CACNA2D2: variants seen among roughly 807,000 people sequenced by gnomAD.
The protein encoded by CACNA2D2 is voltage-dependent calcium channel subunit alpha-2/delta-2.
A neutral mutation model predicts 166.4 loss-of-function variants in CACNA2D2; 48 were observed. The ratio of observed to expected loss-of-function variants is 0.29; its 90% confidence interval spans 0.23 to 0.37. The LOEUF (loss-of-function observed/expected upper bound fraction) is 0.37, where lower values mean the gene tolerates loss of function less well. Among genes scored for constraint, CACNA2D2 ranks in the 10% least tolerant of loss-of-function variants. CACNA2D2 has a pLI of 1.00. For missense variants in CACNA2D2, 1,122 were observed against 1,433.0 expected, an observed-to-expected ratio of 0.78 and a Z score of 3.50; for synonymous variants, 561 against 573.7, an observed-to-expected ratio of 0.98 and a Z score of 0.32.
At chr3:50,416,949 C>T (rs1707291583) in intron 3 of CACNA2D2, among the ~76,000 whole-genome samples, 1 of 152,202 alleles carries the variant, frequency 6.6e-6, no homozygotes, top group South Asian at 2.1e-4. Flanking sequence ...ATCCCATTCA[C>T]GTGTGTGTGC....
At chr3:50,461,759 A>G (rs566197714) in intron 2 of CACNA2D2, among the ~76,000 whole-genome samples, 13 of 112,366 alleles carry the variant, frequency 1.2e-4, no homozygotes, top group East Asian at 5.4e-4. Flanking sequence ...AAAAAAAAAA[A>G]AAAAGAAAAA....
intron 2 of CACNA2D2, among the ~76,000 whole-genome samples, chr3:50,475,445 A>G (rs1395538244): frequency 2.6e-5 from 4 of 152,070 alleles, no homozygotes; most frequent in African/African-American, 4.8e-5. Flanking sequence ...TCGTAGCTCC[A>G]TCACTCCAAG....
intron 2 of CACNA2D2, among the ~76,000 whole-genome samples, chr3:50,437,242 A>C (rs1310045339): frequency 6.6e-6 from 1 of 152,116 alleles, no homozygotes; most frequent in Non-Finnish European, 1.5e-5. Flanking sequence ...GGTCCCATCA[A>C]GCCCACTGAC....
Position 50,366,011 on chromosome 3 carries a change from C to T in CACNA2D2, c.2862G>A (p.Val954=). ...NLGAAPRGVF[V]PTVADFLNLA... is the part of the protein sequence containing the mutation. ...AGTCCAGGCATCTCTGGGGACTCAC[C>T]ACAAAGACACCCCGGGGTGCAGCAC... The change falls in exon 32 of 38, where the codon GTG becomes GTA. Residue 954 remains valine, a splice_region_variant and synonymous_variant. Transcript: ENST00000424201. The surrounding 1 kb of genome is among the most constrained non-coding windows in gnomAD (Gnocchi z 5.9). 6.2e-7 allele frequency: 1 copy of T among 1,611,992 alleles called. No homozygotes were observed. The highest frequency in any genetic ancestry group is 8.5e-7 in the Non-Finnish European group (1 of 1,179,332).
intron 2 of CACNA2D2, among the ~76,000 whole-genome samples, chr3:50,470,601 G>A (rs1319779662): frequency 6.4e-4 from 9 of 14,006 alleles, no homozygotes; most frequent in Non-Finnish European, 9.9e-4. Context: ...GGAGGGGGCG[G>A]GGGGGGGGGG....
At chr3:50,459,104 A>G (rs1250851360) in intron 2 of CACNA2D2, among the ~76,000 whole-genome samples, 1 of 152,222 alleles carries the variant, frequency 6.6e-6, no homozygotes, top group East Asian at 1.9e-4. Flanking sequence ...AAAGAAAAAC[A>G]TGGAGGGGGA....
chr3:50,379,352 ATCCG>A lies in CACNA2D2; in HGVS notation c.1152+76_1152+79del. ...CTGCCTGTTTGGTGCTAACGAGGCC[ATCCG>A]TCTTGATTTCCTGGGTACACCAAGC... On this transcript the variant is annotated intron_variant, in intron 11 of 37. Coordinates refer to ENST00000424201, the MANE Select transcript of CACNA2D2 (RefSeq NM_006030.4). The surrounding 1 kb of genome is among the most constrained non-coding windows in gnomAD (Gnocchi z 6.5). 6.4e-7 allele frequency: 1 copy of A among 1,552,114 alleles called. No individual in the cohort carries two copies. The highest frequency in any genetic ancestry group is 2.3e-5 in the East Asian group (1 of 43,718).
intron 22 of CACNA2D2, among the ~76,000 whole-genome samples, chr3:50,374,353 AAGGGG>A (rs1256850069): frequency 2.4e-5 from 1 of 41,940 alleles, no homozygotes; most frequent in African/African-American, 9.9e-5. Flanking sequence ...GAGGAGGGGG[AAGGGG>A]AGGGGAGGGG....
rs1704937303 is a variant in CACNA2D2, at chr3:50,375,714, G to C, written c.1846-9C>G. ...ACCTCATCTATGTACCTCTGGGAGA[G>C]GAGGCTGGGTCAGGTACTTGGGCTA... On this transcript the variant is annotated splice_polypyrimidine_tract_variant and intron_variant, in intron 20 of 37. Coordinates refer to ENST00000424201, the MANE Select transcript of CACNA2D2 (RefSeq NM_006030.4). This position sits in a 1 kb window ranked among gnomAD's most constrained non-coding sequence, Gnocchi z 4.0. 2 of 1,613,278 alleles carry C rather than the reference G, an allele frequency of 1.2e-6. No homozygotes were observed. The highest frequency in any genetic ancestry group is 1.3e-5 in the African/African-American group (1 of 75,026).
intron 1 of CACNA2D2, among the ~76,000 whole-genome samples, chr3:50,502,663 G>T (rs1699027627): frequency 6.6e-6 from 1 of 152,230 alleles, no homozygotes; most frequent in Admixed American, 6.5e-5. Flanking sequence ...GCCAAGAACA[G>T]GGGACACTGC....
At chr3:50,390,628 G>A (rs1158592771) in intron 4 of CACNA2D2, among the ~76,000 whole-genome samples, 1 of 152,142 alleles carries the variant, frequency 6.6e-6, no homozygotes, top group Non-Finnish European at 1.5e-5. Flanking sequence ...GGAGTTGGGG[G>A]AGTCACCCAC....
rs1367363382 is a variant in CACNA2D2 at position 50,373,591 on chromosome 3, G to A, written c.1984+1146C>T. 1.3e-4 allele frequency among the ~76,000 whole-genome samples: 15 copies of A among 118,450 alleles called. No homozygotes were observed. The East Asian group carries it at 3.5e-3, about 27-fold the overall frequency. The allele number at this position is 118,450 out of a possible 152,430, so 77.7% of individuals were successfully genotyped here. On this transcript the variant is annotated intron_variant, in intron 22 of 37. Coordinates refer to ENST00000424201, the MANE Select transcript of CACNA2D2 (RefSeq NM_006030.4). ...TGAGGAGGGAGCCAGGGGGCAGAGC[G>A]GAGGGAGTGTGGGGAGTGGGACTGA...
intron 22 of CACNA2D2, among the ~76,000 whole-genome samples, 172 bp from the exon 23 acceptor site, chr3:50,370,552 G>A (rs1272188607): frequency 1.3e-5 from 2 of 152,072 alleles, no homozygotes; most frequent in African/African-American, 4.8e-5. Flanking sequence ...GAAGGGACGG[G>A]CAGGGAGGGT....
Position 50,379,030 on chromosome 3 carries a change from G to T in CACNA2D2, c.1261-37C>A. 6.2e-7 allele frequency: 1 copy of T among 1,613,804 alleles called. No homozygotes were observed. The highest frequency in any genetic ancestry group is 1.3e-5 in the African/African-American group (1 of 75,024). ...TTGAGGTTACTGCTGTGGCCACCAG[G>T]GGACAGCCCTCTTCTGTACTGGGCC... On this transcript the variant is annotated intron_variant, in intron 12 of 37. Transcript: ENST00000424201. The surrounding 1 kb of genome is among the most constrained non-coding windows in gnomAD (Gnocchi z 6.5).
rs377396973 is a variant in CACNA2D2 at position 50,451,590 on chromosome 3, T to C, written c.289-17161A>G. Among the ~76,000 whole-genome samples the C allele has an allele frequency of 3.9e-5, 6 of 152,314 alleles. No homozygotes were observed. The East Asian group carries it at 1.2e-3, about 29-fold the overall frequency. On this transcript the variant is annotated intron_variant, in intron 2 of 37. Transcript: ENST00000424201. ...TCTGCATGCCCCTCCACTATTTTCA[T>C]CCCTGGCCCCTTGACCAAGTGCTTG...
At chr3:50,456,223 G>C (rs1709352679) in intron 2 of CACNA2D2, among the ~76,000 whole-genome samples, 1 of 152,244 alleles carries the variant, frequency 6.6e-6, no homozygotes, top group Non-Finnish European at 1.5e-5. Flanking sequence ...AGCCTCTGCA[G>C]AAAGGAGGTA....
At position 50,363,794 on chromosome 3, in the gene CACNA2D2, T is replaced by TG. The variant is rs587712771; in HGVS notation, c.*871dup. On this transcript the variant is annotated 3_prime_UTR_variant, in exon 38 of 38. Transcript: ENST00000424201. ...CTTGGAGGACACTGGTGGCTAGGGG[T>TG]GGGACAGAGGGTTCTTCACCCCCTG... The TG allele has an allele frequency of 2.9e-3, 449 of 152,910 alleles. 1 individual carries two copies. The highest frequency in any genetic ancestry group is 4.9e-3 in the Non-Finnish European group (333 of 68,348). 9.5% of individuals were successfully genotyped at this position (152,910 alleles called of 1,614,324 possible).
chr3:50,372,118 T>C (rs1185025114), intron 22 of CACNA2D2, among the ~76,000 whole-genome samples: 1 of 152,122 alleles, frequency 6.6e-6, no homozygotes, highest in Non-Finnish European at 1.5e-5. Context: ...ACCTTTGTAA[T>C]GCTGTCCTCT....
intron 22 of CACNA2D2, among the ~76,000 whole-genome samples, chr3:50,373,619 G>GC (rs1303978762): frequency 5.1e-4 from 46 of 90,874 alleles, no homozygotes; most frequent in African/African-American, 3.3e-3. Flanking sequence ...GGGACTGAAG[G>GC]GGGGGGGGTG....
Sources: gnomAD v4.1 joint callset for allele counts (sites outside exome capture counted in the v4.1 genomes callset) on GRCh38, gnomAD v4.1.1 for gene constraint, Gnocchi (gnomAD v3.1) non-coding constraint, MANE v1.5 for transcripts, NCBI Gene and HGNC (gene_info 2026-07-23, HGNC 2026-07-21) for gene names.